Variants in CDH4 observed in about 807,000 individuals in gnomAD.
CDH4 encodes the protein cadherin-4.
CDH4 carries 33 observed loss-of-function variants against 86.0 expected under a neutral mutation model. The ratio of observed to expected loss-of-function variants is 0.38; its 90% CI spans 0.29 to 0.51. The LOEUF is 0.51. CDH4 is among the 20% of genes least tolerant of loss of function. The pLI, the probability that CDH4 is intolerant of heterozygous loss-of-function variation, is 0.86. For missense variants in CDH4, 1,114 were observed against 1,307.4 expected (o/e 0.85, Z 2.28); for synonymous variants, 555 against 549.4 (o/e 1.01, Z -0.14).
intron 2 of CDH4, among the ~76,000 whole-genome samples, chr20:61,690,259 A>G (rs917200644): frequency 2.0e-5 from 3 of 151,588 alleles, no homozygotes; most frequent in Non-Finnish European, 4.4e-5. Context: ...GTTAGGTGAG[A>G]TGGTGTGGTC....
rs142400490 is a variant in CDH4, at chr20:61,757,761, G to A, written c.396+13972G>A. Among the ~76,000 whole-genome samples the A allele has an allele frequency of 3.4e-3, 515 of 152,324 alleles. 3 individuals are homozygous for A. The highest frequency in any genetic ancestry group is 5.9e-3 in the Non-Finnish European group (404 of 68,032). ...GTCAGGGATAAAAGTGGGCCATGCC[G>A]GCAGGGAGGCTCTGGTCACGTGAGC... On this transcript the variant is annotated intron_variant, in intron 3 of 15. Transcript: ENST00000614565.
rs141930428 is a variant in CDH4, at chr20:61,319,147, G to A, written c.169+64210G>A. 2.7e-3 allele frequency among the ~76,000 whole-genome samples: 409 copies of A among 151,816 alleles called. 2 individuals carry two copies. The highest frequency in any genetic ancestry group is 9.2e-3 in the African/African-American group (382 of 41,386). On this transcript the variant is annotated intron_variant, in intron 2 of 15. Transcript: ENST00000614565. ...AGCCCTCTCTGTAGTATTACAATAAGCATAATAATATAACATATAAAAATA... is the reference window on the plus strand; with the variant it reads ...AGCCCTCTCTGTAGTATTACAATAAACATAATAATATAACATATAAAAATA...
chr20:61,559,287 C>A (rs1336739267), intron 2 of CDH4, among the ~76,000 whole-genome samples: 1 of 152,008 alleles, frequency 6.6e-6, no homozygotes, highest in African/African-American at 2.4e-5. Context: ...CACTGCACTC[C>A]AGCCTGGGTG....
intron 3 of CDH4, among the ~76,000 whole-genome samples, chr20:61,768,728 G>C (rs1222010654): frequency 6.6e-6 from 1 of 152,158 alleles, no homozygotes; most frequent in African/African-American, 2.4e-5. Context: ...GGAAGCGGGC[G>C]CATCTTCCAG....
At chr20:61,634,464 A>G (rs926003497) in intron 2 of CDH4, among the ~76,000 whole-genome samples, 1 of 150,330 alleles carries the variant, frequency 6.7e-6, no homozygotes, top group Admixed American at 6.6e-5. Flanking sequence ...AGTGTTCTCC[A>G]CACCCATAGA....
chr20:61,897,441 GCTGACCAGCCACCACCATTTACCAGCA>G (rs1490132890), intron 8 of CDH4, among the ~76,000 whole-genome samples: 3 of 151,724 alleles, frequency 2.0e-5, no homozygotes, highest in East Asian at 1.9e-4. Flanking sequence ...AGCCACCAGC[GCTGACCAGCCACCACCATTTACCAGCA>G]CTGACCAGAA....
intron 2 of CDH4, among the ~76,000 whole-genome samples, chr20:61,545,126 A>C (rs1200502378): frequency 6.6e-6 from 1 of 152,190 alleles, no homozygotes; most frequent in African/African-American, 2.4e-5. Context: ...TCGTTCAGCA[A>C]ACAGAAGATC....
chr20:61,785,876 C>T (rs1020384751), intron 4 of CDH4, among the ~76,000 whole-genome samples: 3 of 152,176 alleles, frequency 2.0e-5, no homozygotes, highest in Non-Finnish European at 4.4e-5. Flanking sequence ...AGCCAGGGAG[C>T]GTGCGAGCGA....
intron 2 of CDH4, among the ~76,000 whole-genome samples, chr20:61,318,123 C>A (rs968031738): frequency 3.9e-5 from 6 of 152,192 alleles, no homozygotes; most frequent in Admixed American, 2.0e-4. Flanking sequence ...CATGCGCCCC[C>A]ACCCTGTGCT....
chr20:61,692,374 G>A (rs1040681674), intron 2 of CDH4, among the ~76,000 whole-genome samples: 1 of 152,042 alleles, frequency 6.6e-6, no homozygotes, highest in Admixed American at 6.6e-5. Context: ...ATTTATCAGA[G>A]GAATATTTAT....
intron 2 of CDH4, among the ~76,000 whole-genome samples, chr20:61,630,246 C>T (rs1445203598): frequency 6.6e-6 from 1 of 152,190 alleles, no homozygotes; most frequent in Non-Finnish European, 1.5e-5. Flanking sequence ...GTTGCATCCT[C>T]CTAACACTTC....
chr20:61,839,021 GA>G (rs1170248081), intron 4 of CDH4, among the ~76,000 whole-genome samples: 2 of 152,188 alleles, frequency 1.3e-5, no homozygotes, highest in Non-Finnish European at 2.9e-5. Context: ...AGGCAGCTCA[GA>G]ACTCCCAACA....
Position 61,673,611 on chromosome 20 carries a change from C to G in CDH4, c.170-69952C>G, listed in dbSNP as rs547606435. 2.0e-5 allele frequency among the ~76,000 whole-genome samples: 3 copies of G among 152,316 alleles called. No individual in the cohort carries two copies. The East Asian group carries it at 5.8e-4, about 29-fold the overall frequency. On this transcript the variant is annotated intron_variant, in intron 2 of 15. Coordinates refer to ENST00000614565, the MANE Select transcript of CDH4 (RefSeq NM_001794.5). ...CGTGTCCAGGGCCCAGAAGGCCGCC[C>G]GTTCTTGAATATTTATCCATCCTTC...
chr20:61,641,996 T>C lies in CDH4; in HGVS notation c.170-101567T>C, dbSNP rs11204435. 2.1e-3 allele frequency among the ~76,000 whole-genome samples: 21 copies of C among 9,914 alleles called. 6 individuals carry two copies. The East Asian group carries it at 0.026, about 12-fold the overall frequency. The allele number at this position is 9,914 out of a possible 152,430, so 6.5% of individuals were successfully genotyped here. A position where few individuals can be genotyped will look rare whatever the true frequency, so the allele number is the denominator to read the frequency against. On this transcript the variant is annotated intron_variant, in intron 2 of 15. Transcript: ENST00000614565. ...CTACAGCTTTGGGATCAGACGGGGCTGCCTGACCCACCAGGCACCACCAGG... is the reference window on the plus strand; with the variant it reads ...CTACAGCTTTGGGATCAGACGGGGCCGCCTGACCCACCAGGCACCACCAGG...
intron 2 of CDH4, among the ~76,000 whole-genome samples, chr20:61,584,822 G>A (rs1027308417): frequency 1.3e-5 from 2 of 151,514 alleles, no homozygotes; most frequent in Non-Finnish European, 2.9e-5. Flanking sequence ...CGAGGCTAAC[G>A]CACGGGGCGC....
intron 2 of CDH4, among the ~76,000 whole-genome samples, chr20:61,639,631 C>T (rs1216982014): frequency 1.3e-5 from 2 of 152,230 alleles, no homozygotes; most frequent in East Asian, 1.9e-4. Flanking sequence ...CGCGTCAGTG[C>T]TTGCCTGCAC....
At chr20:61,335,258 G>T (rs769595663) in intron 2 of CDH4, among the ~76,000 whole-genome samples, 2 of 152,246 alleles carry the variant, frequency 1.3e-5, no homozygotes, top group Non-Finnish European at 2.9e-5. Context: ...AGGTAAAGCT[G>T]CCGTGTATTT....
Position 61,282,220 on chromosome 20 carries a change from G to A in CDH4, c.169+27283G>A, listed in dbSNP as rs117169047. Among the ~76,000 whole-genome samples the A allele has an allele frequency of 2.3e-3, 353 of 152,210 alleles. 4 individuals are homozygous for A. Among genetic ancestry groups the A allele is most frequent in the Middle Eastern group, 0.014 (4 of 294 alleles). Reference sequence around the variant, plus strand: ...CTAAAAATGTAAAAATTATCCAGGCGTGATGGTGTGCATCTGTAATCCCAC... The same window carrying A: ...CTAAAAATGTAAAAATTATCCAGGCATGATGGTGTGCATCTGTAATCCCAC... On this transcript the variant is annotated intron_variant, in intron 2 of 15. Coordinates refer to ENST00000614565, the MANE Select transcript of CDH4 (RefSeq NM_001794.5).
chr20:61,887,480 C>T (rs1234749152), intron 7 of CDH4, among the ~76,000 whole-genome samples: 3 of 151,952 alleles, frequency 2.0e-5, no homozygotes, highest in African/African-American at 7.3e-5. Flanking sequence ...TATACACGCA[C>T]ACACAGGCAT....
Sources: gnomAD v4.1 joint callset for allele counts (sites outside exome capture counted in the v4.1 genomes callset) on GRCh38, gnomAD v4.1.1 for gene constraint, MANE v1.5 for transcripts, NCBI Gene and HGNC (gene_info 2026-07-23, HGNC 2026-07-21) for gene names.